BORCS5: variants seen among roughly 807,000 people sequenced by gnomAD.
BORCS5 encodes BLOC-1 related complex subunit 5.
A neutral mutation model predicts 22.1 loss-of-function variants in BORCS5; 17 were observed. The ratio of observed to expected loss-of-function variants is 0.77; its 90% CI spans 0.53 to 1.15. BORCS5 has a LOEUF of 1.15. Ranked by LOEUF, BORCS5 falls within the 50% of genes most tolerant of loss-of-function variation. BORCS5 has a pLI of 0.00. For synonymous variants in BORCS5, 117 were observed against 99.8 expected (o/e 1.17, Z -1.03); for missense variants, 247 against 253.2 (o/e 0.98, Z 0.17).
At chr12:12,452,915 A>G (rs1195873651) in intron 3 of BORCS5, among the ~76,000 whole-genome samples, 1 of 152,172 alleles carries the variant, frequency 6.6e-6, no homozygotes, top group Non-Finnish European at 1.5e-5. Flanking sequence ...TCAAGTAGCC[A>G]TGGTCTGGTG....
chr12:12,444,523 A>G (rs1034053166), intron 3 of BORCS5, among the ~76,000 whole-genome samples: 13 of 152,210 alleles, frequency 8.5e-5, no homozygotes, highest in Admixed American at 4.6e-4. Flanking sequence ...CTAGAACTCA[A>G]TTACATGGCC....
intron 3 of BORCS5, among the ~76,000 whole-genome samples, chr12:12,445,496 C>CTTT (rs5796492): frequency 2.2e-5 from 1 of 45,772 alleles, no homozygotes; most frequent in Admixed American, 3.8e-4. Flanking sequence ...ACATGCATTG[C>CTTT]TTTTTTTTTT....
At chr12:12,408,563 C>T (rs1414627218) in intron 2 of BORCS5, among the ~76,000 whole-genome samples, 1 of 152,220 alleles carries the variant, frequency 6.6e-6, no homozygotes. Flanking sequence ...CCTATCCTCT[C>T]TTCCTCCCAG....
chr12:12,445,986 T>C (rs1026281372), intron 3 of BORCS5, among the ~76,000 whole-genome samples: 1 of 152,128 alleles, frequency 6.6e-6, no homozygotes, highest in South Asian at 2.1e-4. Context: ...AGTATGTGAA[T>C]CTCATAAGAG....
At chr12:12,384,348 T>C (rs1863836716) in intron 2 of BORCS5, among the ~76,000 whole-genome samples, 1 of 150,406 alleles carries the variant, frequency 6.6e-6, no homozygotes, top group Non-Finnish European at 1.5e-5. Context: ...GATTCATTGT[T>C]ATATTTTTCT....
chr12:12,359,252 C>T (rs1056701302), intron 1 of BORCS5, among the ~76,000 whole-genome samples: 4 of 152,018 alleles, frequency 2.6e-5, no homozygotes. Context: ...TGGACTAATG[C>T]TATAATTTTA....
At chr12:12,429,921 G>A (rs1942379299) in intron 2 of BORCS5, among the ~76,000 whole-genome samples, 1 of 152,068 alleles carries the variant, frequency 6.6e-6, no homozygotes, top group African/African-American at 2.4e-5. Context: ...TCGCTCTTAG[G>A]CATATATGCA....
chr12:12,374,164 T>G (rs1863593684), intron 2 of BORCS5, among the ~76,000 whole-genome samples: 1 of 151,214 alleles, frequency 6.6e-6, no homozygotes, highest in Non-Finnish European at 1.5e-5. Flanking sequence ...ATTTTTTTTT[T>G]GTATTTTTAG....
At chr12:12,430,451 G>A (rs758877255) in intron 2 of BORCS5, among the ~76,000 whole-genome samples, 5 of 151,968 alleles carry the variant, frequency 3.3e-5, no homozygotes, top group South Asian at 2.1e-4. Context: ...GTGCCTGGCC[G>A]ATAAAATGTT....
intron 2 of BORCS5, among the ~76,000 whole-genome samples, chr12:12,413,530 C>T (rs1485216861): frequency 1.3e-5 from 2 of 148,750 alleles, no homozygotes; most frequent in Non-Finnish European, 1.5e-5. Context: ...TTTCCCCACC[C>T]TTCCTGCCTT....
chr12:12,363,365 C>T (rs958055586), intron 2 of BORCS5, among the ~76,000 whole-genome samples: 25 of 151,524 alleles, frequency 1.6e-4, no homozygotes, highest in South Asian at 4.2e-4. Context: ...TTTGGGAGGC[C>T]GAGGTGGGTG....
chr12:12,362,925 A>G (rs545769612), intron 2 of BORCS5, among the ~76,000 whole-genome samples: 303 of 151,882 alleles, frequency 2.0e-3, no homozygotes, highest in African/African-American at 7.0e-3. Context: ...TGCTGGGATT[A>G]CAGGCGTGAG....
At chr12:12,415,945 A>G (rs538287464) in intron 2 of BORCS5, among the ~76,000 whole-genome samples, 67 of 152,258 alleles carry the variant, frequency 4.4e-4, no homozygotes, top group South Asian at 2.9e-3. Context: ...CTGTGAAACT[A>G]TCAGTTCCAG....
At chr12:12,425,533 A>G (rs1942264705) in intron 2 of BORCS5, among the ~76,000 whole-genome samples, 1 of 152,220 alleles carries the variant, frequency 6.6e-6, no homozygotes, top group African/African-American at 2.4e-5. Flanking sequence ...TGTTTGGATA[A>G]TAGCCATCCT....
chr12:12,442,788 C>T (rs1942710697), intron 3 of BORCS5, among the ~76,000 whole-genome samples: 1 of 152,134 alleles, frequency 6.6e-6, no homozygotes, highest in African/African-American at 2.4e-5. Flanking sequence ...TTTGGTTATT[C>T]CTTTTTTTAC....
chr12:12,407,707 T>G lies in BORCS5; in HGVS notation c.203-27921T>G, dbSNP rs563937774. ...TCGCCATGAATTTTACTATTCTTTT[T>G]GTTTTTTTTTTTTTTTGAGACAGGG... On this transcript the variant is annotated intron_variant, in intron 2 of 3. Coordinates refer to ENST00000314565, the MANE Select transcript of BORCS5 (RefSeq NM_058169.6). Among the ~76,000 whole-genome samples, 15 of 148,124 alleles carry G rather than the reference T, an allele frequency of 1.0e-4. No homozygotes were observed. The South Asian group carries it at 2.9e-3, about 29-fold the overall frequency.
At chr12:12,415,411 G>C (rs1361791028) in intron 2 of BORCS5, among the ~76,000 whole-genome samples, 1 of 151,670 alleles carries the variant, frequency 6.6e-6, no homozygotes, top group Non-Finnish European at 1.5e-5. Flanking sequence ...CCAGTCAGGC[G>C]TGGCGGCGTG....
At chr12:12,414,325 A>G (rs1173771615) in intron 2 of BORCS5, among the ~76,000 whole-genome samples, 6 of 56,022 alleles carry the variant, frequency 1.1e-4, no homozygotes, top group Admixed American at 3.0e-4. Context: ...GCGGCTGGCC[A>G]GGCGGGGGGC....
chr12:12,458,296 A>ACTTTT (rs1391789936), intron 3 of BORCS5, among the ~76,000 whole-genome samples: 4 of 152,168 alleles, frequency 2.6e-5, no homozygotes, highest in Non-Finnish European at 4.4e-5. Flanking sequence ...CTTTTCCCTG[A>ACTTTT]GCCTCTAACC....
Sources: allele counts gnomAD v4.1 joint callset (sites outside exome capture counted in the v4.1 genomes callset), GRCh38; gene constraint gnomAD v4.1.1; transcripts MANE v1.5; gene names NCBI Gene and HGNC (gene_info 2026-07-23, HGNC 2026-07-21).